The following VAMP5 variants were observed in gnomAD, a reference collection of about 807,000 sequenced individuals.
VAMP5 encodes vesicle associated membrane protein 5.
In VAMP5, 10 loss-of-function variants were observed where a neutral mutation model predicts 8.1. The observed-to-expected ratio is 1.23, with a 90% CI of 0.76 to 2.09. The LOEUF is 2.09. VAMP5 is among the 30% of genes most tolerant of loss of function. VAMP5 has a pLI of 0.00. For synonymous variants in VAMP5, 62 were observed against 60.6 expected (o/e 1.02, Z -0.11); for missense variants, 135 against 152.5 (o/e 0.89, Z 0.60).
At chr2:85,584,569 A>G (rs1034702690) in intron 1 of VAMP5, 76 bp downstream of exon 1, 2 of 1,231,056 alleles carry the variant, frequency 1.6e-6, no homozygotes, top group African/African-American at 3.1e-5. Context: ...GAGGAGTCCA[A>G]AGTCCGCGGG....
At chr2:85,592,552 C>G (rs1672556648) in intron 2 of VAMP5, among the ~76,000 whole-genome samples, 1 of 152,078 alleles carries the variant, frequency 6.6e-6, no homozygotes, top group Middle Eastern at 3.4e-3. Flanking sequence ...CCTGTAATCC[C>G]AACACTTTGG....
In VAMP5 at chr2:85,591,780, T is replaced by C. The variant is rs1440960169; in HGVS notation, c.59T>C (p.Met20Thr). ...CAGGCGAACGAGGTGACGGAAATTA[T>C]GCGTAACAACTTCGGCAAGGTCCTG... Reference protein sequence around the residue: ...QQQANEVTEIMRNNFGKVLER... With the variant: ...QQQANEVTEITRNNFGKVLER... The change falls in exon 2 of 3, where the codon ATG becomes ACG. Residue 20 changes from methionine (M) to threonine (T), a missense_variant. Transcript: ENST00000306384. The C allele has an allele frequency of 1.2e-6, 2 of 1,614,010 alleles. No homozygotes were observed. Among genetic ancestry groups the C allele is most frequent in the Non-Finnish European group, 1.7e-6 (2 of 1,180,024 alleles).
intron 1 of VAMP5, among the ~76,000 whole-genome samples, chr2:85,589,356 G>A (rs1041976613): frequency 1.3e-5 from 2 of 152,132 alleles, no homozygotes; most frequent in Admixed American, 6.6e-5. Context: ...TGAGTCTAAG[G>A]CCTCTGTGTT....
At chr2:85,588,832 G>A (rs1265696155) in intron 1 of VAMP5, among the ~76,000 whole-genome samples, 1 of 151,922 alleles carries the variant, frequency 6.6e-6, no homozygotes, top group Non-Finnish European at 1.5e-5. Context: ...GAATGTCCCT[G>A]CTCCATGTCA....
chr2:85,588,529 G>A (rs1036882046), intron 1 of VAMP5, among the ~76,000 whole-genome samples: 6 of 151,850 alleles, frequency 4.0e-5, no homozygotes, highest in Admixed American at 3.3e-4. Context: ...CCCCTCTCCC[G>A]CCTGGTGGCC....
At chr2:85,591,971 G>A (rs1672546305) in intron 2 of VAMP5, 109 bp downstream of exon 2, 1 of 1,508,140 alleles carries the variant, frequency 6.6e-7, no homozygotes, top group Non-Finnish European at 9.0e-7. Flanking sequence ...CTTCTTGAGG[G>A]CCAGTGTGGG....
intron 1 of VAMP5, among the ~76,000 whole-genome samples, chr2:85,590,260 A>C (rs1453994107): frequency 6.6e-6 from 1 of 152,228 alleles, no homozygotes; most frequent in Non-Finnish European, 1.5e-5. Context: ...CAGGGCTAGA[A>C]AAACATGCTG....
intron 1 of VAMP5, among the ~76,000 whole-genome samples, chr2:85,586,126 TAA>T (rs1284170737): frequency 2.0e-5 from 3 of 152,234 alleles, no homozygotes; most frequent in African/African-American, 7.2e-5. Context: ...GCCAATCAGC[TAA>T]AGTGTCTGAC....
intron 1 of VAMP5, 173 bp from the exon 2 acceptor site, chr2:85,591,552 C>T: frequency 1.0e-6 from 1 of 963,476 alleles, no homozygotes; most frequent in Non-Finnish European, 1.5e-6. Context: ...GTGTGCCGCA[C>T]TCACCCCGAA....
At position 85,587,411 on chromosome 2, in the gene VAMP5, G is replaced by A. The variant is rs1015875133; in HGVS notation, c.3+2918G>A. On this transcript the variant is annotated intron_variant, in intron 1 of 2. Coordinates refer to ENST00000306384, the MANE Select transcript of VAMP5 (RefSeq NM_006634.3). ...TGGGATTACAGGTGCCCGCCACCAC[G>A]CCTGGCTAATTTTTGTATTTTTAGT... Among the ~76,000 whole-genome samples the A allele has an allele frequency of 2.0e-5, 3 of 151,614 alleles. No homozygotes were observed. In the South Asian group the frequency reaches 6.3e-4, roughly 32 times the overall value.
rs76577294 is a variant in VAMP5 at position 85,591,887 on chromosome 2, G to C, written c.141+25G>C. The C allele has an allele frequency of 2.2e-4, 354 of 1,613,800 alleles. 1 individual carries two copies. The African/African-American group carries it at 4.2e-3, about 19-fold the overall frequency. On this transcript the variant is annotated intron_variant, in intron 2 of 2. Coordinates refer to ENST00000306384, the MANE Select transcript of VAMP5 (RefSeq NM_006634.3). ...GGTGTGAGGCCTGGGGGAGCATGGA[G>C]GGGAGGGGAGAGGATTGGGAAAGTC...
chr2:85,592,800 C>CA (rs375145374), intron 2 of VAMP5, 148 bp from the exon 3 acceptor site: 71,281 of 502,842 alleles, frequency 0.14, 1,336 homozygotes, highest in East Asian at 0.32. Context: ...GACTCCTTCT[C>CA]AAAAAAAAAA....
In VAMP5 at chr2:85,587,641, T is replaced by C. The variant is rs563338762; in HGVS notation, c.3+3148T>C. Among the ~76,000 whole-genome samples the C allele has an allele frequency of 3.3e-5, 5 of 152,316 alleles. No individual in the cohort carries two copies. In the South Asian group the frequency reaches 8.3e-4, roughly 25 times the overall value. On this transcript the variant is annotated intron_variant, in intron 1 of 2. Transcript: ENST00000306384. ...ACATCAATATAATAGCTCTTATTTA[T>C]TGAGCATTTAGTATGTGTCAGGCGT...
At chr2:85,592,840 A>C in intron 2 of VAMP5, 108 bp from the exon 3 acceptor site, 5 of 921,732 alleles carry the variant, frequency 5.4e-6, no homozygotes, top group South Asian at 1.3e-5. Context: ...CAAGATGGGG[A>C]GGATGCAGGA....
Position 85,591,853 on chromosome 2 carries a change from C to T in VAMP5, c.132C>T (p.Leu44=). Reference sequence around the variant, plus strand: ...AACTGCAGCAGCGTTCAGACCAACTCCTGGATATGGTGTGAGGCCTGGGGG... The same window carrying T: ...AACTGCAGCAGCGTTCAGACCAACTTCTGGATATGGTGTGAGGCCTGGGGG... ...LAELQQRSDQ[L]LDMSSTFNKT... is the part of the protein sequence containing the mutation. The change falls in exon 2 of 3, where the codon CTC becomes CTT. Residue 44 remains leucine (L), a synonymous_variant. Transcript: ENST00000306384. 1 of 1,614,074 alleles carries T rather than the reference C, an allele frequency of 6.2e-7. No homozygotes were observed. Among genetic ancestry groups the T allele is most frequent in the Non-Finnish European group, 8.5e-7 (1 of 1,180,026 alleles).
chr2:85,592,529 G>A (rs866677529), intron 2 of VAMP5, among the ~76,000 whole-genome samples: 3 of 152,132 alleles, frequency 2.0e-5, no homozygotes, highest in Non-Finnish European at 2.9e-5. Flanking sequence ...AAGGCCGGGC[G>A]CGGTGTCTCA....
At chr2:85,591,888 G>A in intron 2 of VAMP5, 26 bp downstream of exon 2, 1 of 1,613,794 alleles carries the variant, frequency 6.2e-7, no homozygotes. Context: ...GAGCATGGAG[G>A]GGAGGGGAGA....
intron 2 of VAMP5, among the ~76,000 whole-genome samples, chr2:85,592,386 T>G (rs1245992897): frequency 6.6e-6 from 1 of 152,182 alleles, no homozygotes; most frequent in African/African-American, 2.4e-5. Flanking sequence ...CATGAGCCAC[T>G]GTGTCCAGCC....
At chr2:85,591,153 C>A (rs968052115) in intron 1 of VAMP5, among the ~76,000 whole-genome samples, 1 of 152,218 alleles carries the variant, frequency 6.6e-6, no homozygotes, top group African/African-American at 2.4e-5. Flanking sequence ...CAGAACTGGC[C>A]TGACCAGTCA....
Sources: allele counts gnomAD v4.1 joint callset (sites outside exome capture counted in the v4.1 genomes callset), GRCh38; gene constraint gnomAD v4.1.1; transcripts MANE v1.5; gene names NCBI Gene and HGNC (gene_info 2026-07-23, HGNC 2026-07-21).